Variants in PSG4 observed in about 807,000 individuals in gnomAD.
The protein encoded by PSG4 is pregnancy specific beta-1-glycoprotein 4.
In PSG4, 61 loss-of-function variants were observed where a neutral mutation model predicts 44.3. The ratio of observed to expected loss-of-function variants is 1.38; its 90% CI spans 1.12 to 1.70. PSG4 has a LOEUF of 1.70. Ranked by LOEUF, PSG4 falls within the 40% of genes most tolerant of loss-of-function variation. The pLI, the probability that PSG4 is intolerant of heterozygous loss-of-function variation, is 0.00. For synonymous variants in PSG4, 248 were observed against 191.3 expected (o/e 1.30, Z -2.45); for missense variants, 677 against 511.7 (o/e 1.32, Z -3.12).
chr19:43,202,225 G>A (rs572869388), intron 2 of PSG4, among the ~76,000 whole-genome samples: 1 of 145,440 alleles, frequency 6.9e-6, no homozygotes, highest in African/African-American at 2.6e-5. Flanking sequence ...GAGAAGAAGA[G>A]AGAGGCAGAG....
At chr19:43,204,283 G>T in intron 1 of PSG4, 32 bp from the exon 2 acceptor site, 1 of 1,537,946 alleles carries the variant, frequency 6.5e-7, no homozygotes, top group South Asian at 1.2e-5. Context: ...AGTTAATATT[G>T]AGACCTATGT....
chr19:43,193,358 G>T lies in PSG4; in HGVS notation c.*14C>A. On this transcript the variant is annotated 3_prime_UTR_variant, in exon 6 of 6. Coordinates refer to ENST00000405312, the MANE Select transcript of PSG4 (RefSeq NM_002780.5). ...TTCCATGGGAGAAAATGGAATTGGA[G>T]GAACTAGTAGAATTCAGGGTAATAT... 1 of 775,074 alleles carries T rather than the reference G, an allele frequency of 1.3e-6. No individual in the cohort carries two copies. Among genetic ancestry groups the T allele is most frequent in the Admixed American group, 1.7e-5 (1 of 58,898 alleles). The allele number at this position is 775,074 out of a possible 1,614,324, so 48.0% of individuals were successfully genotyped here. A position where few individuals can be genotyped will look rare whatever the true frequency, so the allele number is the denominator to read the frequency against.
chr19:43,194,399 G>C lies in PSG4; in HGVS notation c.1184C>G (p.Ser395Cys), dbSNP rs755615568. 6 of 1,612,356 alleles carry C rather than the reference G, an allele frequency of 3.7e-6. No individual in the cohort carries two copies. The African/African-American group carries it at 4.0e-5, about 11-fold the overall frequency. ...TTKHSGLYAC[S>C]VRNSATGKES... ...CTTGCCAGTGGCTGAGTTACGAACA[G>C]AGCAAGCATAGAGCCCACTATGCTT... Residue 395 changes from serine (S) to cysteine (C), a missense_variant, in exon 5 of 6, where the codon TCT becomes TGT. Transcript: ENST00000405312.
intron 2 of PSG4, chr19:43,199,016 T>C (rs115934885): frequency 0.051 from 7,453 of 146,290 alleles, 869 homozygotes; most frequent in Non-Finnish European, 0.067. Context: ...TCCATGATGC[T>C]CGCTTCCCCC....
intron 3 of PSG4, chr19:43,196,686 T>A (rs1599769645): frequency 2.0e-5 from 3 of 151,630 alleles, no homozygotes. Context: ...AATTCCATAC[T>A]GGCCATGCTG....
rs1490685026 is a variant in PSG4 at position 43,204,005 on chromosome 19, T to C, written c.311A>G (p.Asn104Ser). ...AYSGRERVYS[N>S]ASLLIQNVTQ... ...GACATTCTGGATCAGCAGGGATGCA[T>C]TGGAATATACTCTTTCTCTTCCACT... The change falls in exon 2 of 6, where the codon AAT becomes AGT. Residue 104 changes from asparagine (N) to serine (S), a missense_variant. Transcript: ENST00000405312. 1.9e-6 allele frequency: 3 copies of C among 1,587,832 alleles called. No individual in the cohort carries two copies. The highest frequency in any genetic ancestry group is 2.6e-6 in the Non-Finnish European group (3 of 1,171,660).
chr19:43,198,346 G>T, intron 2 of PSG4, 71 bp from the exon 3 acceptor site: 1 of 1,531,258 alleles, frequency 6.5e-7, no homozygotes, highest in Non-Finnish European at 8.7e-7. Context: ...TTTTCAATCA[G>T]AGTTGGCATT....
intron 2 of PSG4, among the ~76,000 whole-genome samples, chr19:43,202,548 CCTGAGTGTGTGTCTCTCG>C: frequency 6.9e-6 from 1 of 144,394 alleles, no homozygotes; most frequent in East Asian, 2.4e-4. Flanking sequence ...TGTGAGAGCT[CCTGAGTGTGTGTCTCTCG>C]CTGGGCCTGT....
intron 5 of PSG4, chr19:43,193,597 A>T (rs1967100618): frequency 5.0e-6 from 3 of 600,140 alleles, no homozygotes; most frequent in Middle Eastern, 4.4e-4. Flanking sequence ...CAGCAAGAGT[A>T]GCAATAGACC....
intron 2 of PSG4, chr19:43,203,302 G>A (rs1967604115): frequency 6.7e-6 from 1 of 149,168 alleles, no homozygotes; most frequent in South Asian, 2.0e-4. Flanking sequence ...CTGAGTGTCA[G>A]GTGAAGAAAG....
In PSG4 at chr19:43,197,907, C is replaced by T. The variant is rs1156701918; in HGVS notation, c.709+90G>A. Reference sequence around the variant, plus strand: ...ATGTCTAGGGGTAAAGGTCTCTGTACTTGGACCTGAGAGGGACTGAGAGGC... The same window carrying T: ...ATGTCTAGGGGTAAAGGTCTCTGTATTTGGACCTGAGAGGGACTGAGAGGC... On this transcript the variant is annotated intron_variant, in intron 3 of 5. Coordinates refer to ENST00000405312, the MANE Select transcript of PSG4 (RefSeq NM_002780.5). 2.5e-6 allele frequency: 4 copies of T among 1,575,300 alleles called. No homozygotes were observed. The African/African-American group carries it at 6.0e-5, about 24-fold the overall frequency.
chr19:43,194,740 C>G (rs1967160374), intron 4 of PSG4, 146 bp from the exon 5 acceptor site: 1 of 1,443,038 alleles, frequency 6.9e-7, no homozygotes, highest in Admixed American at 2.3e-5. Context: ...GAGCCGAAGC[C>G]TGAGGTATTC....
chr19:43,194,896 G>T (rs1264192382), intron 4 of PSG4, 99 bp downstream of exon 4: 11 of 1,556,048 alleles, frequency 7.1e-6, no homozygotes, highest in Non-Finnish European at 9.5e-6. Context: ...AGAAGTAAAG[G>T]TGTCTATACT....
intron 2 of PSG4, among the ~76,000 whole-genome samples, chr19:43,202,152 G>A (rs1188253662): frequency 4.8e-5 from 7 of 146,148 alleles, no homozygotes; most frequent in African/African-American, 2.6e-5. Context: ...AGGGGTGGGG[G>A]AAGAAGCTGT....
In PSG4 at chr19:43,193,236, CAT is replaced by C. The variant is rs1426167047; in HGVS notation, c.*134_*135del. The stretch of plus-strand genomic sequence containing the variant: ...ATTTTGGTGAGTTCTGAGTGGCTCA[CAT>C]GTCAGGTACAAGGGTTTTCCCATGA... On this transcript the variant is annotated 3_prime_UTR_variant, in exon 6 of 6. Coordinates refer to ENST00000405312, the MANE Select transcript of PSG4 (RefSeq NM_002780.5). 6.7e-4 allele frequency: 515 copies of C among 764,846 alleles called. 9 individuals carry two copies. Among genetic ancestry groups the C allele is most frequent in the South Asian group, 4.0e-3 (296 of 74,444 alleles). The allele number at this position is 764,846 out of a possible 1,614,324, so 47.4% of individuals were successfully genotyped here. A position where few individuals can be genotyped will look rare whatever the true frequency, so the allele number is the denominator to read the frequency against.
Position 43,204,059 on chromosome 19 carries a change from C to A in PSG4, c.257G>T (p.Gly86Val), listed in dbSNP as rs755255790. The A allele has an allele frequency of 4.4e-6, 7 of 1,586,638 alleles. No individual in the cohort carries two copies. The highest frequency in any genetic ancestry group is 1.7e-4 in the Middle Eastern group (1 of 5,968). ...YHYITSYVVD[G>V]QRIIYGPAYS... ...TGCAGGCCCATATATAATTCTTTGA[C>A]CGTCTACTACATATGATGTAATGTA... Residue 86 changes from glycine (G) to valine (V), a missense_variant, in exon 2 of 6, where the codon GGT (glycine) becomes GTT (valine). Physicochemically the swap from Gly to Val is moderately radical, Grantham distance 109 (BLOSUM62 -3). Transcript: ENST00000405312.
At chr19:43,202,398 G>T (rs1338053989) in intron 2 of PSG4, among the ~76,000 whole-genome samples, 2 of 144,728 alleles carry the variant, frequency 1.4e-5, no homozygotes, top group Non-Finnish European at 3.0e-5. Context: ...AAGAGGTAGT[G>T]GGGGGATGAA....
rs1967086815 is a variant in PSG4 at position 43,193,226 on chromosome 19, G to C, written c.*146C>G. The C allele has an allele frequency of 9.2e-6, 7 of 763,990 alleles. No homozygotes were observed. The highest frequency in any genetic ancestry group is 1.7e-5 in the Non-Finnish European group (7 of 417,156). 47.3% of individuals were successfully genotyped at this position (763,990 alleles called of 1,614,324 possible). A position where few individuals can be genotyped will look rare whatever the true frequency, so the allele number is the denominator to read the frequency against. On this transcript the variant is annotated 3_prime_UTR_variant, in exon 6 of 6. Coordinates refer to ENST00000405312, the MANE Select transcript of PSG4 (RefSeq NM_002780.5). ...GGTGTCGAACATTTTGGTGAGTTCT[G>C]AGTGGCTCACATGTCAGGTACAAGG...
At chr19:43,196,647 G>A (rs1035415867) in intron 3 of PSG4, 5 of 151,074 alleles carry the variant, frequency 3.3e-5, no homozygotes, top group African/African-American at 9.8e-5. Flanking sequence ...CTCTCACCAC[G>A]TTTCTAGCTT....
Sources: gnomAD v4.1 joint callset for allele counts (sites outside exome capture counted in the v4.1 genomes callset) on GRCh38, gnomAD v4.1.1 for gene constraint, MANE v1.5 for transcripts, NCBI Gene and HGNC (gene_info 2026-07-23, HGNC 2026-07-21) for gene names.